The following MIPOL1 variants were observed in gnomAD, a reference collection of about 807,000 sequenced individuals.
MIPOL1 encodes the protein mirror-image polydactyly 1.
MIPOL1 carries 57 observed loss-of-function variants against 60.9 expected under a neutral mutation model. That is an observed-to-expected ratio of 0.94 (90% confidence interval 0.76 to 1.17). The LOEUF is 1.17. MIPOL1 is among the 50% of genes most tolerant of loss of function. MIPOL1 has a pLI of 0.00. For missense variants in MIPOL1, 551 were observed against 511.6 expected, an observed-to-expected ratio of 1.08 and a Z score of -0.74; for synonymous variants, 179 against 168.8, an observed-to-expected ratio of 1.06 and a Z score of -0.47.
Position 37,308,508 on chromosome 14 carries a change from G to T in MIPOL1, c.817G>T (p.Ala273Ser), listed in dbSNP as rs2153434164. The T allele has an allele frequency of 6.3e-7, 1 of 1,580,632 alleles. No homozygotes were observed. Among genetic ancestry groups the T allele is most frequent in the East Asian group, 2.3e-5 (1 of 43,688 alleles). Residue 273 changes from alanine (A) to serine (S), a missense_variant, in exon 9 of 13, where the codon GCC (alanine) becomes TCC (serine). Transcript: ENST00000684589. ...TGCACTAATAGAAGAACGGGATGCT[G>T]CCTTGTCTAAGGTAACTCTGCATAT... is the stretch of plus-strand genomic sequence containing the variant. Reference protein sequence around the residue: ...MSALIEERDAALSKCKRLEQE... With the variant: ...MSALIEERDASLSKCKRLEQE...
chr14:37,374,699 T>C (rs2092727420), intron 10 of MIPOL1, among the ~76,000 whole-genome samples: 1 of 152,176 alleles, frequency 6.6e-6, no homozygotes, highest in Non-Finnish European at 1.5e-5. Context: ...TGGTTGTAGA[T>C]GTGTAGTGTT....
At chr14:37,364,683 T>C (rs1196673579) in intron 9 of MIPOL1, among the ~76,000 whole-genome samples, 2 of 152,238 alleles carry the variant, frequency 1.3e-5, no homozygotes, top group Admixed American at 1.3e-4. Flanking sequence ...TTCTTTTTGC[T>C]TAGGGTAACT....
intron 10 of MIPOL1, among the ~76,000 whole-genome samples, chr14:37,416,421 T>C (rs888182513): frequency 6.6e-6 from 1 of 152,072 alleles, no homozygotes; most frequent in African/African-American, 2.4e-5. Context: ...CAAACCTAGG[T>C]AGTATAGCCT....
intron 1 of MIPOL1, among the ~76,000 whole-genome samples, chr14:37,204,376 T>C (rs1393242289): frequency 6.6e-6 from 1 of 152,210 alleles, no homozygotes; most frequent in African/African-American, 2.4e-5. Flanking sequence ...TGTTAAGTAG[T>C]GATATAGTTT....
chr14:37,547,054 T>C lies in MIPOL1; in HGVS notation c.*83T>C. The C allele has an allele frequency of 8.5e-7, 1 of 1,176,204 alleles. No individual in the cohort carries two copies. The highest frequency in any genetic ancestry group is 1.3e-6 in the Non-Finnish European group (1 of 798,624). 72.9% of individuals were successfully genotyped at this position (1,176,204 alleles called of 1,614,324 possible). On this transcript the variant is annotated 3_prime_UTR_variant, in exon 13 of 13. Transcript: ENST00000684589. ...TCAACACTGTGTAAACACCAAAGCC[T>C]TAACTTAGCAAACAGTTGTTAGAAG...
chr14:37,478,743 C>G (rs1029518535), intron 11 of MIPOL1, among the ~76,000 whole-genome samples: 3 of 151,784 alleles, frequency 2.0e-5, no homozygotes, highest in Non-Finnish European at 2.9e-5. Context: ...AAATGGATAC[C>G]AAAAGATAGC....
At chr14:37,489,641 G>A (rs374405034) in intron 11 of MIPOL1, among the ~76,000 whole-genome samples, 1 of 152,250 alleles carries the variant, frequency 6.6e-6, no homozygotes, top group East Asian at 1.9e-4. Context: ...CTGACTGGAC[G>A]TCCTTTTTGT....
chr14:37,509,763 GTA>G (rs900404725), intron 12 of MIPOL1, among the ~76,000 whole-genome samples: 2 of 150,794 alleles, frequency 1.3e-5, no homozygotes, highest in Admixed American at 1.3e-4. Context: ...ACACATACAT[GTA>G]TGTTTGTGTG....
chr14:37,363,606 G>T (rs2092363268), intron 9 of MIPOL1, among the ~76,000 whole-genome samples: 1 of 152,202 alleles, frequency 6.6e-6, no homozygotes, highest in African/African-American at 2.4e-5. Context: ...ACTTGAGGAG[G>T]CAGTCTGTCC....
rs182133105 is a variant in MIPOL1, at chr14:37,297,995, C to T, written c.624-10061C>T. Reference sequence around the variant, plus strand: ...CAAAAAAGAGCCCGCATCGCCAAGTCAATCCTAAGCCAAAAGAACAAAGCT... The same window carrying T: ...CAAAAAAGAGCCCGCATCGCCAAGTTAATCCTAAGCCAAAAGAACAAAGCT... On this transcript the variant is annotated intron_variant, in intron 7 of 12. Transcript: ENST00000684589. Among the ~76,000 whole-genome samples, 339 of 152,300 alleles carry T rather than the reference C, an allele frequency of 2.2e-3. 1 individual carries two copies. The highest frequency in any genetic ancestry group is 7.6e-3 in the African/African-American group (317 of 41,540).
intron 7 of MIPOL1, among the ~76,000 whole-genome samples, chr14:37,298,793 AAAC>A (rs2086053957): frequency 6.6e-6 from 1 of 151,530 alleles, no homozygotes; most frequent in Non-Finnish European, 1.5e-5. Context: ...AAAAGTCAGG[AAAC>A]AACAGGTGCT....
At chr14:37,396,734 T>C (rs2093379130) in intron 10 of MIPOL1, among the ~76,000 whole-genome samples, 1 of 152,172 alleles carries the variant, frequency 6.6e-6, no homozygotes, top group Non-Finnish European at 1.5e-5. Flanking sequence ...CTTCAAGCTC[T>C]GAATTTCTTT....
In MIPOL1 at chr14:37,332,612, A is replaced by T. The variant is rs865837105; in HGVS notation, c.828+24093A>T. Among the ~76,000 whole-genome samples, 4 of 152,338 alleles carry T rather than the reference A, an allele frequency of 2.6e-5. No individual in the cohort carries two copies. In the South Asian group the frequency reaches 8.3e-4, roughly 32 times the overall value. On this transcript the variant is annotated intron_variant, in intron 9 of 12. Transcript: ENST00000684589. ...TTATGAAGAAAATTGTAAGGAAGAG[A>T]AAATACATTTACAATACTGAACTGT... is the stretch of plus-strand genomic sequence containing the variant.
At chr14:37,349,932 T>C (rs1390589184) in intron 9 of MIPOL1, among the ~76,000 whole-genome samples, 2 of 152,216 alleles carry the variant, frequency 1.3e-5, no homozygotes, top group African/African-American at 4.8e-5. Context: ...GAGAAAAGAA[T>C]GGTGATATTT....
At chr14:37,530,659 G>T (rs546788475) in intron 12 of MIPOL1, among the ~76,000 whole-genome samples, 189 of 152,252 alleles carry the variant, frequency 1.2e-3, no homozygotes, top group South Asian at 4.8e-3. Context: ...GCAGTTTGAG[G>T]TATCATCCTT....
chr14:37,521,885 GAA>G (rs71449997), intron 12 of MIPOL1, among the ~76,000 whole-genome samples: 172 of 130,340 alleles, frequency 1.3e-3, no homozygotes, highest in South Asian at 1.0e-2. Flanking sequence ...TTTATCTAAA[GAA>G]AAAAAAATAT....
At chr14:37,220,230 A>G (rs947332541) in intron 1 of MIPOL1, among the ~76,000 whole-genome samples, 36 of 152,122 alleles carry the variant, frequency 2.4e-4, no homozygotes, top group Admixed American at 3.9e-4. Context: ...CTGAAAGGTA[A>G]TTTCCTGTGG....
intron 3 of MIPOL1, among the ~76,000 whole-genome samples, chr14:37,256,766 T>C (rs1461996602): frequency 3.2e-5 from 4 of 125,852 alleles, no homozygotes; most frequent in African/African-American, 1.1e-4. Context: ...AGAGACTTCC[T>C]CTGCATTTTT....
intron 6 of MIPOL1, among the ~76,000 whole-genome samples, chr14:37,273,241 A>T (rs981523238): frequency 4.6e-5 from 7 of 151,070 alleles, no homozygotes; most frequent in Non-Finnish European, 8.9e-5. Flanking sequence ...TATATTATAT[A>T]AAATAAGAGG....
Sources: allele counts gnomAD v4.1 joint callset (sites outside exome capture counted in the v4.1 genomes callset), GRCh38; gene constraint gnomAD v4.1.1; transcripts MANE v1.5; gene names NCBI Gene and HGNC (gene_info 2026-07-23, HGNC 2026-07-21).